The following NR4A3 variants were observed in gnomAD, a reference collection of about 807,000 sequenced individuals.
NR4A3 encodes the protein chondrosarcoma, extraskeletal myxoid, fused to EWS.
In NR4A3, 13 loss-of-function variants were observed where a neutral mutation model predicts 55.6. That is an observed-to-expected ratio of 0.23 (90% CI 0.15 to 0.37). NR4A3 has a LOEUF of 0.37. Ranked by LOEUF, NR4A3 falls within the 10% of genes least tolerant of loss-of-function variation. NR4A3 has a pLI of 1.00. For synonymous variants in NR4A3, 342 were observed against 357.9 expected (o/e 0.96, Z 0.50); for missense variants, 646 against 822.8 (o/e 0.79, Z 2.63).
At chr9:99,841,812 T>C (rs894242855) in intron 5 of NR4A3, among the ~76,000 whole-genome samples, 3 of 151,976 alleles carry the variant, frequency 2.0e-5, no homozygotes, top group Non-Finnish European at 4.4e-5. Context: ...CTACAAAAAA[T>C]AGAAAAAATT....
At chr9:99,841,231 GAAA>G (rs11374154) in intron 5 of NR4A3, among the ~76,000 whole-genome samples, 2 of 129,538 alleles carry the variant, frequency 1.5e-5, no homozygotes, top group African/African-American at 2.9e-5. Flanking sequence ...CTCTGTCTCC[GAAA>G]AAAAAAAAAA....
intron 7 of NR4A3, among the ~76,000 whole-genome samples, chr9:99,849,264 T>G (rs1280898794): frequency 1.3e-5 from 2 of 152,344 alleles, no homozygotes; most frequent in East Asian, 3.9e-4. Context: ...GCAACTGGTA[T>G]GGCTGCAATG....
intron 5 of NR4A3, among the ~76,000 whole-genome samples, chr9:99,839,390 C>T (rs940720266): frequency 2.0e-5 from 3 of 152,158 alleles, no homozygotes; most frequent in African/African-American, 7.2e-5. Context: ...TTAGCCAGGG[C>T]TGAAAGTGAG....
At position 99,865,301 on chromosome 9, in the gene NR4A3, AAT is replaced by A. The variant is rs34711370; in HGVS notation, c.*1450_*1451del. ...ACACCAATTAGAAATTAAATAAGCAAATATATATATATATATAAATATAGCAG... is the reference window on the plus strand; with the variant it reads ...ACACCAATTAGAAATTAAATAAGCAAATATATATATATATAAATATAGCAG... On this transcript the variant is annotated 3_prime_UTR_variant, in exon 8 of 8. Coordinates refer to ENST00000395097, the MANE Select transcript of NR4A3 (RefSeq NM_006981.4). This position sits in a 1 kb window ranked among gnomAD's most constrained non-coding sequence, Gnocchi z 4.3. 403 of 163,032 alleles carry A rather than the reference AAT, an allele frequency of 2.5e-3. No individual in the cohort carries two copies. The highest frequency in any genetic ancestry group is 0.011 in the East Asian group (88 of 8,278). 10.1% of individuals were successfully genotyped at this position (163,032 alleles called of 1,614,324 possible).
chr9:99,861,682 G>C (rs1828011645), intron 7 of NR4A3, among the ~76,000 whole-genome samples: 1 of 152,178 alleles, frequency 6.6e-6, no homozygotes, highest in Admixed American at 6.5e-5. Context: ...AAATTTTCTG[G>C]TTCCCAGGCC....
At chr9:99,832,905 G>T in intron 4 of NR4A3, 87 bp downstream of exon 4, 1 of 1,199,440 alleles carries the variant, frequency 8.3e-7, no homozygotes. Flanking sequence ...TTGGGATGGT[G>T]AATTTTTCTA....
At chr9:99,859,174 G>A (rs1182937925) in intron 7 of NR4A3, among the ~76,000 whole-genome samples, 1 of 152,164 alleles carries the variant, frequency 6.6e-6, no homozygotes, top group African/African-American at 2.4e-5. Flanking sequence ...TTGTTTAATG[G>A]TGGACAAAGA....
intron 7 of NR4A3, among the ~76,000 whole-genome samples, chr9:99,862,718 C>T (rs1467488607): frequency 6.6e-6 from 1 of 152,100 alleles, no homozygotes; most frequent in Non-Finnish European, 1.5e-5. Context: ...CTAATCCTAG[C>T]TTTTAGCAGC....
Position 99,844,561 on chromosome 9 carries a change from T to C in NR4A3, c.1255-88T>C. The C allele has an allele frequency of 4.0e-6, 4 of 1,004,512 alleles. No homozygotes were observed. In the South Asian group the frequency reaches 4.1e-5, roughly 10 times the overall value. 62.2% of individuals were successfully genotyped at this position (1,004,512 alleles called of 1,614,324 possible). A position where few individuals can be genotyped will look rare whatever the true frequency, so the allele number is the denominator to read the frequency against. ...ACACCTAAAAGTAAGAATTTAGGCA[T>C]TGATGGTCTTGGAAGGGCCTGTTTG... On this transcript the variant is annotated intron_variant, in intron 5 of 7. Transcript: ENST00000395097.
Position 99,864,031 on chromosome 9 carries a change from A to C in NR4A3, c.*164A>C. ...TTTTTTTCTGGCTCTTTTCCTTACA[A>C]CCTAAAGCCAGAAAACTTGCAGAGT... On this transcript the variant is annotated 3_prime_UTR_variant, in exon 8 of 8. Transcript: ENST00000395097. 1.3e-6 allele frequency: 1 copy of C among 745,790 alleles called. No individual in the cohort carries two copies. The highest frequency in any genetic ancestry group is 2.1e-6 in the Non-Finnish European group (1 of 486,470). The allele number at this position is 745,790 out of a possible 1,614,324, so 46.2% of individuals were successfully genotyped here.
Position 99,828,785 on chromosome 9 carries a change from C to A in NR4A3, c.743C>A (p.Ala248Asp). Residue 248 changes from alanine to aspartate, a missense_variant, in exon 3 of 8, where the codon GCC becomes GAC. Around this residue, in one of 5 missense-constraint regions of NR4A3, gnomAD observed 426 missense variants for 429.4 expected, o/e 0.99. Transcript: ENST00000395097. The surrounding 1 kb of genome is among the most constrained non-coding windows in gnomAD (Gnocchi z 7.7). ...AGCCACCCGTACGGGCTGCCGCTGG[C>A]CAAGAGGGCGGCCCCGCTGGCCTTC... ...LESHPYGLPLAKRAAPLAFPP... is the reference protein window; with the variant it reads ...LESHPYGLPLDKRAAPLAFPP... 6.8e-7 allele frequency: 1 copy of A among 1,459,974 alleles called. No individual in the cohort carries two copies. Among genetic ancestry groups the A allele is most frequent in the Non-Finnish European group, 9.0e-7 (1 of 1,109,480 alleles). The allele number at this position is 1,459,974 out of a possible 1,614,324, so 90.4% of individuals were successfully genotyped here.
At chr9:99,842,096 C>T (rs974840842) in intron 5 of NR4A3, among the ~76,000 whole-genome samples, 1 of 148,422 alleles carries the variant, frequency 6.7e-6, no homozygotes, top group African/African-American at 2.5e-5. Flanking sequence ...ATTAAAGTAG[C>T]TGGACTCTCT....
At chr9:99,832,853 T>C (rs1178751446) in intron 4 of NR4A3, 35 bp downstream of exon 4, 3 of 1,428,394 alleles carry the variant, frequency 2.1e-6, no homozygotes, top group Admixed American at 2.3e-5. Flanking sequence ...AGTTTGCTTA[T>C]ACATATTATC....
At position 99,827,942 on chromosome 9, in the gene NR4A3, CT is replaced by C. The variant is rs1313534444; in HGVS notation, c.-2-98del. On this transcript the variant is annotated intron_variant, in intron 2 of 7. Transcript: ENST00000395097. ...AGGAGGAGAGGATGACACTTCCTCT[CT>C]GTTTCCCAGATTAGAGAACAGTGAA... 5.7e-6 allele frequency: 8 copies of C among 1,406,024 alleles called. No individual in the cohort carries two copies. The African/African-American group carries it at 1.2e-4, about 20-fold the overall frequency. The allele number at this position is 1,406,024 out of a possible 1,614,324, so 87.1% of individuals were successfully genotyped here.
At chr9:99,848,373 C>A (rs1827792894) in intron 7 of NR4A3, among the ~76,000 whole-genome samples, 1 of 152,170 alleles carries the variant, frequency 6.6e-6, no homozygotes, top group African/African-American at 2.4e-5. Flanking sequence ...GAGATGGAGT[C>A]TCACTCTGTC....
At chr9:99,853,230 A>C (rs1220229715) in intron 7 of NR4A3, among the ~76,000 whole-genome samples, 2 of 152,034 alleles carry the variant, frequency 1.3e-5, no homozygotes, top group Non-Finnish European at 2.9e-5. Context: ...TGTTTTACAC[A>C]CTTCCATGAA....
At chr9:99,862,419 C>T (rs544879358) in intron 7 of NR4A3, among the ~76,000 whole-genome samples, 1 of 151,784 alleles carries the variant, frequency 6.6e-6, no homozygotes, top group Non-Finnish European at 1.5e-5. Context: ...GTGGTACACA[C>T]CTGTAGTCTC....
intron 7 of NR4A3, among the ~76,000 whole-genome samples, chr9:99,857,981 A>G (rs138472815): frequency 1.4e-3 from 212 of 152,196 alleles, no homozygotes; most frequent in Non-Finnish European, 2.4e-3. Context: ...TTGATCCTCT[A>G]TGTATCAATT....
intron 6 of NR4A3, among the ~76,000 whole-genome samples, chr9:99,845,211 C>A (rs920084712): frequency 6.6e-6 from 1 of 152,196 alleles, no homozygotes; most frequent in Non-Finnish European, 1.5e-5. Context: ...TAAGCTATTT[C>A]CTGGGAGCAA....
Sources: allele counts gnomAD v4.1 joint callset (sites outside exome capture counted in the v4.1 genomes callset), GRCh38; gene constraint gnomAD v4.1.1; regional missense constraint gnomAD v4.1.1; non-coding constraint Gnocchi (gnomAD v3.1); transcripts MANE v1.5; gene names NCBI Gene and HGNC (gene_info 2026-07-23, HGNC 2026-07-21).